The following ZFAT variants were observed in gnomAD, a reference collection of about 807,000 sequenced individuals.
ZFAT encodes zinc finger protein ZFAT.
Under a neutral mutation model 117.7 loss-of-function variants are expected in ZFAT, and 64 were observed. The ratio of observed to expected loss-of-function variants is 0.54; its 90% CI spans 0.44 to 0.67. The LOEUF is 0.67. Ranked by LOEUF, ZFAT falls within the 30% of genes least tolerant of loss-of-function variation. The pLI, the probability that ZFAT is intolerant of heterozygous loss-of-function variation, is 0.00. For missense variants in ZFAT, 1,433 were observed against 1,584.5 expected (o/e 0.90, Z 1.62); for synonymous variants, 679 against 615.0 (o/e 1.10, Z -1.54).
chr8:134,501,333 A>G (rs1444231176), intron 15 of ZFAT, among the ~76,000 whole-genome samples: 1 of 152,206 alleles, frequency 6.6e-6, no homozygotes, highest in Non-Finnish European at 1.5e-5. Context: ...CTTTGAATCC[A>G]TCGTGACTCA....
chr8:134,706,957 G>A (rs1469055216), intron 1 of ZFAT, among the ~76,000 whole-genome samples: 1 of 151,428 alleles, frequency 6.6e-6, no homozygotes, highest in African/African-American at 2.4e-5. Flanking sequence ...AGGCTAATTA[G>A]CCAGCCTTGT....
At chr8:134,698,589 C>T (rs1833935974) in intron 1 of ZFAT, among the ~76,000 whole-genome samples, 1 of 152,190 alleles carries the variant, frequency 6.6e-6, no homozygotes, top group Non-Finnish European at 1.5e-5. Context: ...CTCATGCCCC[C>T]TCTTCCCTGG....
intron 1 of ZFAT, among the ~76,000 whole-genome samples, chr8:134,681,894 A>G (rs1833087675): frequency 6.6e-6 from 1 of 152,250 alleles, no homozygotes; most frequent in African/African-American, 2.4e-5. Context: ...ATAAAGTCTC[A>G]TATGTGCAGC....
chr8:134,544,534 T>C (rs999199356), intron 11 of ZFAT, among the ~76,000 whole-genome samples: 11 of 151,978 alleles, frequency 7.2e-5, no homozygotes, highest in Non-Finnish European at 1.6e-4. Context: ...ACTGTATTCC[T>C]AACATATAAC....
rs1272276559 is a variant in ZFAT at position 134,602,836 on chromosome 8, T to G, written c.883A>C (p.Asn295His). The stretch of plus-strand genomic sequence containing the variant: ...TGGGGGCACTTGTATGGCTTTTCAT[T>G]GGTGTGGATCCTCAGGTGGGCCTGC... ...SLQAHLRIHT[N>H]EKPYKCPQCS... The change falls in exon 6 of 16, where the codon AAT becomes CAT. Residue 295 changes from asparagine to histidine, a missense_variant. This residue lies in a region of ZFAT where 436 missense variants were observed against 482.0 expected (regional missense o/e 0.90). Transcript: ENST00000377838. 1 of 1,614,158 alleles carries G rather than the reference T, an allele frequency of 6.2e-7. No homozygotes were observed. The highest frequency in any genetic ancestry group is 1.1e-5 in the South Asian group (1 of 91,084).
the ZFAT span, among the ~76,000 whole-genome samples, chr8:134,810,521 C>T: frequency 8.5e-5 from 13 of 152,124 alleles, no homozygotes; most frequent in East Asian, 3.8e-4. Flanking sequence ...AATGACTCTC[C>T]TACCAATTTA....
At chr8:134,565,458 G>A (rs1295966457) in intron 10 of ZFAT, 37 bp from the exon 11 acceptor site, 3 of 1,591,146 alleles carry the variant, frequency 1.9e-6, no homozygotes, top group South Asian at 2.2e-5. Flanking sequence ...GCGTCGCCAG[G>A]CCAACAGCTC....
At chr8:134,511,460 G>A (rs565074483) in intron 14 of ZFAT, among the ~76,000 whole-genome samples, 4 of 152,348 alleles carry the variant, frequency 2.6e-5, no homozygotes, top group Non-Finnish European at 1.5e-5. Context: ...AGCTCAGCAG[G>A]CAGTGAACAC....
intron 11 of ZFAT, among the ~76,000 whole-genome samples, chr8:134,542,120 C>T (rs1242474810): frequency 6.6e-6 from 1 of 152,204 alleles, no homozygotes; most frequent in Non-Finnish European, 1.5e-5. Context: ...TCACTGGACT[C>T]GAACCATACT....
chr8:134,604,079 C>A (rs1255128451), intron 5 of ZFAT, among the ~76,000 whole-genome samples: 2 of 152,216 alleles, frequency 1.3e-5, no homozygotes, highest in African/African-American at 2.4e-5. Flanking sequence ...CATGGTCTGC[C>A]TGCCTCATGA....
intron 15 of ZFAT, among the ~76,000 whole-genome samples, chr8:134,504,669 A>C (rs528252324): frequency 6.6e-6 from 1 of 152,338 alleles, no homozygotes; most frequent in South Asian, 2.1e-4. Flanking sequence ...CCCATGGCCA[A>C]AGGACATTAT....
At chr8:134,793,279 A>C in the ZFAT span, 1 of 152,218 alleles carries the variant, frequency 6.6e-6, no homozygotes, top group South Asian at 2.1e-4. Context: ...AGTTGATAGC[A>C]ATTTAGCACT....
rs537973981 is a variant in ZFAT at position 134,624,047 on chromosome 8, T to C, written c.449-13392A>G. The stretch of plus-strand genomic sequence containing the variant: ...CCTCCATTCATGCGACATCCTGTAG[T>C]CAGCAACCACTCCATGCCTGGTACA... On this transcript the variant is annotated intron_variant, in intron 3 of 15. Coordinates refer to ENST00000377838, the MANE Select transcript of ZFAT (RefSeq NM_020863.4). 8.5e-5 allele frequency among the ~76,000 whole-genome samples: 13 copies of C among 152,290 alleles called. No homozygotes were observed. In the South Asian group the frequency reaches 2.7e-3, roughly 32 times the overall value.
the ZFAT span, among the ~76,000 whole-genome samples, chr8:134,763,593 A>G: frequency 4.6e-5 from 7 of 152,212 alleles, no homozygotes; most frequent in African/African-American, 1.4e-4. Flanking sequence ...CCATTTGAAT[A>G]TAAGTTTGCT....
chr8:134,773,984 A>ATTTTTTTTTTTTTTTTTT, the ZFAT span, among the ~76,000 whole-genome samples: 24 of 103,296 alleles, frequency 2.3e-4, 1 homozygote, highest in African/African-American at 8.9e-4. Context: ...TTGAGGATTA[A>ATTTTTTTTTTTTTTTTTT]TTTTTTTTTT....
At chr8:134,718,914 G>A in the ZFAT span, among the ~76,000 whole-genome samples, 1 of 152,212 alleles carries the variant, frequency 6.6e-6, no homozygotes, top group Non-Finnish European at 1.5e-5. Flanking sequence ...GAAATATGAC[G>A]TGGCAGTTTG....
At chr8:134,674,277 A>C (rs1248196405) in intron 1 of ZFAT, among the ~76,000 whole-genome samples, 1 of 152,174 alleles carries the variant, frequency 6.6e-6, no homozygotes, top group Non-Finnish European at 1.5e-5. Flanking sequence ...CAATCGGTAG[A>C]CCAGGAGATT....
chr8:134,626,537 A>G (rs1829526802), intron 3 of ZFAT, among the ~76,000 whole-genome samples: 1 of 152,276 alleles, frequency 6.6e-6, no homozygotes, highest in East Asian at 1.9e-4. Context: ...AAGAAGAGGC[A>G]GCGTCACTGG....
rs1276774671 is a variant in ZFAT, at chr8:134,602,043, G to A, written c.1676C>T (p.Ala559Val). Residue 559 changes from alanine (A) to valine (V), a missense_variant, in exon 6 of 16, where the codon GCT (alanine) becomes GTT (valine). Ala to Val is a moderately conservative substitution (Grantham distance 64). Coordinates refer to ENST00000377838, the MANE Select transcript of ZFAT (RefSeq NM_020863.4). ...PEAPGEMPAP[A>V]VHLASPQAES... is the part of the protein sequence containing the mutation. ...GGCCTGCGGGGAGGCCAGGTGCACA[G>A]CTGGGGCAGGCATTTCCCCAGGGGC... 3 of 1,611,762 alleles carry A rather than the reference G, an allele frequency of 1.9e-6. No homozygotes were observed. In the Admixed American group the frequency reaches 5.0e-5, roughly 27 times the overall value.
Sources: allele counts gnomAD v4.1 joint callset (sites outside exome capture counted in the v4.1 genomes callset), GRCh38; gene constraint gnomAD v4.1.1; regional missense constraint gnomAD v4.1.1; transcripts MANE v1.5; gene names NCBI Gene and HGNC (gene_info 2026-07-23, HGNC 2026-07-21).